Variants in PDK4 observed in about 807,000 individuals in gnomAD.
PDK4 encodes pyruvate dehydrogenase kinase 4, also known as pyruvate dehydrogenase kinase, isozyme 4.
In PDK4, 43 loss-of-function variants were observed where a neutral mutation model predicts 51.7. The ratio of observed to expected loss-of-function variants is 0.83; its 90% CI spans 0.65 to 1.07. PDK4 has a LOEUF of 1.07. Ranked by LOEUF, PDK4 falls within the 50% of genes least tolerant of loss-of-function variation. The pLI, the probability that PDK4 is intolerant of heterozygous loss-of-function variation, is 0.00. For missense variants in PDK4, 498 were observed against 503.5 expected (o/e 0.99, Z 0.10); for synonymous variants, 170 against 176.6 (o/e 0.96, Z 0.30).
Position 95,585,677 on chromosome 7 carries a change from C to T in PDK4, c.1200G>A (p.Arg400=). Residue 400 remains arginine (R), a synonymous_variant, in exon 11 of 11, where the codon AGG becomes AGA. Transcript: ENST00000005178. ...CTTCTTTTGCCAGGTTCTTTGGTTCCCTGCTTGGGATACACCAGTCATCAG... is the reference window on the plus strand; with the variant it reads ...CTTCTTTTGCCAGGTTCTTTGGTTCTCTGCTTGGGATACACCAGTCATCAG... ...SEADDWCIPS[R]EPKNLAKEVA... The T allele has an allele frequency of 6.2e-7, 1 of 1,610,340 alleles. No individual in the cohort carries two copies. Among genetic ancestry groups the T allele is most frequent in the South Asian group, 1.1e-5 (1 of 90,464 alleles).
Position 95,596,249 on chromosome 7 carries a change from G to C in PDK4, c.45C>G (p.Asn15Lys). The change falls in exon 1 of 11, where the codon AAC becomes AAG. Residue 15 changes from asparagine to lysine, a missense_variant. Asn to Lys is a moderately conservative substitution (Grantham distance 94, BLOSUM62 0). Coordinates refer to ENST00000005178, the MANE Select transcript of PDK4 (RefSeq NM_002612.4). ...RFVLRSAGSL[N>K]GAGLVPREVE... ...CCTCTCGGGGCACCAGGCCGGCGCC[G>C]TTGAGCGAGCCAGCGCTGCGCAGCA... The C allele has an allele frequency of 6.3e-7, 1 of 1,595,326 alleles. No individual in the cohort carries two copies. Among genetic ancestry groups the C allele is most frequent in the South Asian group, 1.1e-5 (1 of 88,784 alleles).
At position 95,585,723 on chromosome 7, in the gene PDK4, T is replaced by C. The variant is rs919520408; in HGVS notation, c.1154A>G (p.His385Arg). ...LPVFNKSAFK[H>R]YQMSSEADDW... ...ATCAGCCTCAGAGCTCATCTGATAATGTTTGAAGGCTGACTTGTTAAAAAC... is the reference window on the plus strand; with the variant it reads ...ATCAGCCTCAGAGCTCATCTGATAACGTTTGAAGGCTGACTTGTTAAAAAC... Residue 385 changes from histidine to arginine, a missense_variant, in exon 11 of 11, where the codon CAT becomes CGT. Physicochemically the swap from His to Arg is conservative, Grantham distance 29. Transcript: ENST00000005178. 6.2e-7 allele frequency: 1 copy of C among 1,609,794 alleles called. No homozygotes were observed. Among genetic ancestry groups the C allele is most frequent in the Admixed American group, 1.7e-5 (1 of 59,966 alleles).
intron 6 of PDK4, 78 bp from the exon 7 acceptor site, chr7:95,589,794 T>A: frequency 1.2e-6 from 1 of 834,176 alleles, no homozygotes; most frequent in Non-Finnish European, 2.1e-6. Context: ...GTGATTAACA[T>A]TTTAGACTTC....
chr7:95,587,229 T>C, intron 9 of PDK4, 106 bp from the exon 10 acceptor site: 1 of 742,520 alleles, frequency 1.3e-6, no homozygotes, highest in Non-Finnish European at 2.3e-6. Flanking sequence ...AGAACCTAAA[T>C]AAATATCTTC....
chr7:95,586,968 T>C (rs1301522489), intron 10 of PDK4, 42 bp downstream of exon 10: 9 of 1,121,380 alleles, frequency 8.0e-6, no homozygotes, highest in South Asian at 1.3e-5. Flanking sequence ...AAAGGAGCAA[T>C]GGTTTTAGAA....
In PDK4 at chr7:95,583,735, T is replaced by G. The variant is rs564742678; in HGVS notation, c.*1906A>C. 6.5e-6 allele frequency: 1 copy of G among 152,756 alleles called. No homozygotes were observed. Among genetic ancestry groups the G allele is most frequent in the Admixed American group, 6.5e-5 (1 of 15,310 alleles). 9.5% of individuals were successfully genotyped at this position (152,756 alleles called of 1,614,324 possible). A position where few individuals can be genotyped will look rare whatever the true frequency, so the allele number is the denominator to read the frequency against. Reference sequence around the variant, plus strand: ...AATTGAGATACTAACATTTCTTTTTTCTAGTGTTTTAGAGATAGTTCACAG... The same window carrying G: ...AATTGAGATACTAACATTTCTTTTTGCTAGTGTTTTAGAGATAGTTCACAG... On this transcript the variant is annotated 3_prime_UTR_variant, in exon 11 of 11. Coordinates refer to ENST00000005178, the MANE Select transcript of PDK4 (RefSeq NM_002612.4).
At chr7:95,594,076 C>CT (rs1376182679) in intron 2 of PDK4, among the ~76,000 whole-genome samples, 12 of 152,090 alleles carry the variant, frequency 7.9e-5, no homozygotes, top group Non-Finnish European at 4.4e-5. Flanking sequence ...TTAGAAACAA[C>CT]TTTTTTTAAA....
intron 4 of PDK4, 53 bp downstream of exon 4, chr7:95,592,707 G>A (rs1791566404): frequency 6.9e-7 from 1 of 1,447,228 alleles, no homozygotes; most frequent in Non-Finnish European, 9.7e-7. Flanking sequence ...TTATAGTATG[G>A]CTTATATTCT....
chr7:95,583,663 A>T lies in PDK4; in HGVS notation c.*1978T>A, dbSNP rs188060415. On this transcript the variant is annotated 3_prime_UTR_variant, in exon 11 of 11. Transcript: ENST00000005178. ...TCTTCCCCAGATTTCACAAAGGCCA[A>T]TGTAGATTATTTCTATTTTATCAAA... 1 of 152,772 alleles carries T rather than the reference A, an allele frequency of 6.5e-6. No individual in the cohort carries two copies. The highest frequency in any genetic ancestry group is 1.9e-4 in the East Asian group (1 of 5,192). The allele number at this position is 152,772 out of a possible 1,614,324, so 9.5% of individuals were successfully genotyped here.
intron 6 of PDK4, among the ~76,000 whole-genome samples, chr7:95,590,076 T>A (rs1448134438): frequency 1.3e-5 from 2 of 152,166 alleles, no homozygotes; most frequent in African/African-American, 2.4e-5. Context: ...TATGATTAAT[T>A]TTTGTATTTC....
In PDK4 at chr7:95,591,968, A is replaced by G. The variant is rs779332398; in HGVS notation, c.694+20T>C. 47 of 1,238,794 alleles carry G rather than the reference A, an allele frequency of 3.8e-5. No homozygotes were observed. Among genetic ancestry groups the G allele is most frequent in the Non-Finnish European group, 5.2e-5 (45 of 867,580 alleles). The allele number at this position is 1,238,794 out of a possible 1,614,324, so 76.7% of individuals were successfully genotyped here. A position where few individuals can be genotyped will look rare whatever the true frequency, so the allele number is the denominator to read the frequency against. On this transcript the variant is annotated intron_variant, in intron 6 of 10. Coordinates refer to ENST00000005178, the MANE Select transcript of PDK4 (RefSeq NM_002612.4). ...CACAGAATTTTCCACAGGTTAAAAT[A>G]TATTTTACTTATAACTTACCATTCA...
chr7:95,588,428 A>G (rs73708061), intron 7 of PDK4, among the ~76,000 whole-genome samples: 19,423 of 152,272 alleles, frequency 0.13, 1,567 homozygotes, highest in African/African-American at 0.24. Context: ...CCTTTAACAC[A>G]GAACAAACTA....
intron 6 of PDK4, among the ~76,000 whole-genome samples, chr7:95,591,655 A>G (rs1464991914): frequency 6.6e-6 from 1 of 152,210 alleles, no homozygotes; most frequent in Non-Finnish European, 1.5e-5. Flanking sequence ...TTCCACTGCT[A>G]TATCCTCCCT....
In PDK4 at chr7:95,589,734, A is replaced by G; in HGVS notation, c.695-18T>C. 1 of 1,371,720 alleles carries G rather than the reference A, an allele frequency of 7.3e-7. No individual in the cohort carries two copies. The highest frequency in any genetic ancestry group is 1.0e-6 in the Non-Finnish European group (1 of 962,358). The allele number at this position is 1,371,720 out of a possible 1,614,324, so 85.0% of individuals were successfully genotyped here. ...AAATTTTCCTAGAAAAATAAAATTC[A>G]TTAAGAATTTGTAAACAAATACTTC... On this transcript the variant is annotated intron_variant, in intron 6 of 10. Coordinates refer to ENST00000005178, the MANE Select transcript of PDK4 (RefSeq NM_002612.4).
In PDK4 at chr7:95,587,417, C is replaced by T. The variant is rs750048670; in HGVS notation, c.981+1G>A. 2 of 1,553,468 alleles carry T rather than the reference C, an allele frequency of 1.3e-6. No individual in the cohort carries two copies. The highest frequency in any genetic ancestry group is 1.7e-4 in the Middle Eastern group (1 of 5,966). On this transcript the variant is annotated splice_donor_variant, in intron 9 of 10. Coordinates refer to ENST00000005178, the MANE Select transcript of PDK4 (RefSeq NM_002612.4). LOFTEE classifies it high-confidence loss of function. ...TAATTTAGCCATATAATTGTTCTTA[C>T]CAAAGGAGCATTCCGGGAATTATCC... is the stretch of plus-strand genomic sequence containing the variant.
intron 10 of PDK4, 86 bp from the exon 11 acceptor site, chr7:95,585,867 C>T: frequency 1.7e-6 from 2 of 1,172,146 alleles, no homozygotes; most frequent in East Asian, 2.4e-5. Context: ...AAAATACATT[C>T]AGAGGTAAGT....
chr7:95,594,285 G>A (rs1339752164), intron 2 of PDK4, among the ~76,000 whole-genome samples: 1 of 152,154 alleles, frequency 6.6e-6, no homozygotes, highest in Non-Finnish European at 1.5e-5. Context: ...TCTGCTACCT[G>A]TGCATATCCT....
rs1018947836 is a variant in PDK4, at chr7:95,584,341, T to C, written c.*1300A>G. The C allele has an allele frequency of 3.9e-5, 6 of 152,152 alleles. No individual in the cohort carries two copies. Among genetic ancestry groups the C allele is most frequent in the African/African-American group, 1.4e-4 (6 of 41,446 alleles). 9.4% of individuals were successfully genotyped at this position (152,152 alleles called of 1,614,324 possible). On this transcript the variant is annotated 3_prime_UTR_variant, in exon 11 of 11. Coordinates refer to ENST00000005178, the MANE Select transcript of PDK4 (RefSeq NM_002612.4). ...TCTCTTCCTATATCCTTTCTTTCCT[T>C]CCTGCCTTCTTTCATTTTTCCATTT...
At position 95,596,274 on chromosome 7, in the gene PDK4, A is replaced by T; in HGVS notation, c.20T>A (p.Val7Glu). The T allele has an allele frequency of 6.3e-7, 1 of 1,581,498 alleles. No individual in the cohort carries two copies. The highest frequency in any genetic ancestry group is 8.6e-7 in the Non-Finnish European group (1 of 1,164,782). Residue 7 changes from valine to glutamate, a missense_variant, in exon 1 of 11, where the codon GTG becomes GAG. By Grantham distance (121) the Val-to-Glu change is moderately radical (BLOSUM62 -2). Coordinates refer to ENST00000005178, the MANE Select transcript of PDK4 (RefSeq NM_002612.4). MKAARF[V>E]LRSAGSLNGA... ...GTTGAGCGAGCCAGCGCTGCGCAGC[A>T]CGAAGCGGGCCGCCTTCATCTTGAC...
Sources: gnomAD v4.1 joint callset for allele counts (sites outside exome capture counted in the v4.1 genomes callset) on GRCh38, gnomAD v4.1.1 for gene constraint, MANE v1.5 for transcripts, NCBI Gene and HGNC (gene_info 2026-07-23, HGNC 2026-07-21) for gene names.